RDH13: variants seen among roughly 807,000 people sequenced by gnomAD.
The protein encoded by RDH13 is retinol dehydrogenase 13.
In RDH13, 35 loss-of-function variants were observed where a neutral mutation model predicts 28.3. The ratio of observed to expected loss-of-function variants is 1.24; its 90% confidence interval spans 0.95 to 1.64. The LOEUF is 1.64. RDH13 is among the 40% of genes most tolerant of loss of function. RDH13 has a pLI of 0.00. For synonymous variants in RDH13, 229 were observed against 198.5 expected (o/e 1.15, Z -1.29); for missense variants, 514 against 446.3 (o/e 1.15, Z -1.37).
intron 3 of RDH13, among the ~76,000 whole-genome samples, chr19:55,050,394 C>T (rs1042013580): frequency 3.9e-5 from 6 of 152,102 alleles, no homozygotes; most frequent in Admixed American, 6.6e-5. Context: ...GGACTGCAGG[C>T]GTGAGCCACC....
At chr19:55,067,902 C>A (rs368584348), upstream of RDH13, among the ~76,000 whole-genome samples, 2 of 147,358 alleles carry the variant, frequency 1.4e-5, no homozygotes, top group Admixed American at 1.4e-4. Context: ...TTCTCTCCCC[C>A]TCATCTGTGT....
downstream of RDH13, among the ~76,000 whole-genome samples, chr19:55,043,446 G>A (rs1418585658): frequency 1.3e-5 from 2 of 152,046 alleles, no homozygotes; most frequent in Non-Finnish European, 1.5e-5. Context: ...CACTTTGGGA[G>A]GCCAAGACGG....
intron 1 of RDH13, among the ~76,000 whole-genome samples, chr19:55,061,754 C>T (rs1225382384): frequency 2.0e-5 from 3 of 151,018 alleles, no homozygotes; most frequent in Admixed American, 6.6e-5. Context: ...GACAGCATGA[C>T]TGCACTCCAG....
chr19:55,067,184 A>T (rs1351036965), upstream of RDH13: 1 of 152,414 alleles, frequency 6.6e-6, no homozygotes, highest in African/African-American at 2.4e-5. Context: ...CAGAGGGTGG[A>T]CAGGAGAGGA....
chr19:55,056,956 C>T (rs1156443260), intron 2 of RDH13, 148 bp from the exon 3 acceptor site: 1 of 671,770 alleles, frequency 1.5e-6, no homozygotes, highest in Non-Finnish European at 2.5e-6. Flanking sequence ...TAGAAACAAC[C>T]AAATGCCCAT....
At position 55,045,086 on chromosome 19, in the gene RDH13, G is replaced by T. The variant is rs61741475; in HGVS notation, c.984C>A (p.Pro328=). The T allele has an allele frequency of 5.6e-4, 895 of 1,604,456 alleles. 1 individual carries two copies. In the Middle Eastern group the frequency reaches 8.2e-3, roughly 15 times the overall value. Residue 328 remains proline (P), a synonymous_variant, in exon 7 of 7, where the codon CCC becomes CCA. Coordinates refer to ENST00000415061, the MANE Select transcript of RDH13 (RefSeq NM_001145971.2). Reference sequence around the variant, plus strand: ...TCTGCTCCAGAGGTTATCTGGGGAGGGGCTGCTCCCTCACAGAGGGAGCCT... The same window carrying T: ...TCTGCTCCAGAGGTTATCTGGGGAGTGGCTGCTCCCTCACAGAGGGAGCCT... ...GLEAPSVREQ[P]LPR
At chr19:55,041,405 G>T (rs567277443), downstream of RDH13, 1 of 152,436 alleles carries the variant, frequency 6.6e-6, no homozygotes, top group South Asian at 2.1e-4. Flanking sequence ...TCAGCATTCT[G>T]CAGTGCACAG....
chr19:55,046,118 C>T (rs1251945371), intron 6 of RDH13, among the ~76,000 whole-genome samples: 1 of 149,554 alleles, frequency 6.7e-6, no homozygotes, highest in Non-Finnish European at 1.5e-5. Context: ...TGGTGGTGGG[C>T]GCCTGCAATC....
chr19:55,039,841 AAAAAT>A (rs1477645267), downstream of RDH13: 4 of 152,212 alleles, frequency 2.6e-5, no homozygotes, highest in Non-Finnish European at 5.9e-5. Flanking sequence ...TCTGTCTCCA[AAAAAT>A]AAAAAATATT....
chr19:55,062,492 G>A (rs2075837244), intron 1 of RDH13, among the ~76,000 whole-genome samples: 1 of 152,132 alleles, frequency 6.6e-6, no homozygotes, highest in Non-Finnish European at 1.5e-5. Flanking sequence ...GACCAGCCTG[G>A]CCAACATGGC....
upstream of RDH13, chr19:55,063,767 C>A: frequency 6.5e-6 from 1 of 153,674 alleles, no homozygotes; most frequent in South Asian, 1.8e-4. Context: ...TTATCAGAAT[C>A]TCATCCCCAT....
In RDH13 at chr19:55,059,292, G is replaced by T. The variant is rs1284775452; in HGVS notation, c.66-17C>A. 2 of 1,534,144 alleles carry T rather than the reference G, an allele frequency of 1.3e-6. No individual in the cohort carries two copies. Among genetic ancestry groups the T allele is most frequent in the Admixed American group, 1.9e-5 (1 of 53,526 alleles). On this transcript the variant is annotated splice_polypyrimidine_tract_variant and intron_variant, in intron 1 of 6. Coordinates refer to ENST00000415061, the MANE Select transcript of RDH13 (RefSeq NM_001145971.2). ...ACATAGTCCCTGAGGGTGAGAAGCG[G>T]CACGGTCAGTCCTGTGGGCCCACTC...
At chr19:55,065,334 T>C (rs1204063729), upstream of RDH13, among the ~76,000 whole-genome samples, 1 of 151,598 alleles carries the variant, frequency 6.6e-6, no homozygotes, top group African/African-American at 2.4e-5. Flanking sequence ...TGATGAGCTG[T>C]GATTGTGCCA....
At position 55,048,313 on chromosome 19, in the gene RDH13, C is replaced by A; in HGVS notation, c.658+16G>T. 2 of 1,613,850 alleles carry A rather than the reference C, an allele frequency of 1.2e-6. No homozygotes were observed. The highest frequency in any genetic ancestry group is 1.7e-6 in the Non-Finnish European group (2 of 1,179,976). Reference sequence around the variant, plus strand: ...AGAGTAAAGCAAGAGGGAGGCCGAGCCTAGCGCCCCCGTACCTTGCAGCCG... The same window carrying A: ...AGAGTAAAGCAAGAGGGAGGCCGAGACTAGCGCCCCCGTACCTTGCAGCCG... On this transcript the variant is annotated intron_variant, in intron 5 of 6. Transcript: ENST00000415061.
intron 3 of RDH13, among the ~76,000 whole-genome samples, chr19:55,052,927 G>A (rs1319540316): frequency 6.7e-6 from 1 of 149,316 alleles, no homozygotes; most frequent in Non-Finnish European, 1.5e-5. Flanking sequence ...CTCCCAAAGT[G>A]CTGGGATTAC....
intron 3 of RDH13, among the ~76,000 whole-genome samples, chr19:55,050,237 C>A (rs2075386120): frequency 6.6e-6 from 1 of 151,960 alleles, no homozygotes; most frequent in Non-Finnish European, 1.5e-5. Context: ...CTGCCTCAGC[C>A]TCCCAAGTAG....
Position 55,049,926 on chromosome 19 carries a change from C to CGGCTCACAGGTGACCA in RDH13, c.341-1164_341-1163insTGGTCACCTGTGAGCC, listed in dbSNP as rs1367583747. On this transcript the variant is annotated intron_variant, in intron 3 of 6. Transcript: ENST00000415061. ...CTTGGCTCACAGGTGACCATCTCCT[C>CGGCTCACAGGTGACCA]TCTCCCTCTTCCCTTCCTCTTCCCT... Among the ~76,000 whole-genome samples, 215 of 120,922 alleles carry CGGCTCACAGGTGACCA rather than the reference C, an allele frequency of 1.8e-3. 1 individual carries two copies. Among genetic ancestry groups the CGGCTCACAGGTGACCA allele is most frequent in the South Asian group, 0.012 (47 of 3,922 alleles). The allele number at this position is 120,922 out of a possible 152,430, so 79.3% of individuals were successfully genotyped here.
Position 55,059,288 on chromosome 19 carries a change from A to G in RDH13, c.66-13T>C, listed in dbSNP as rs745412780. The G allele has an allele frequency of 3.0e-5, 47 of 1,552,232 alleles. No homozygotes were observed. The highest frequency in any genetic ancestry group is 3.7e-5 in the Admixed American group (2 of 54,286). On this transcript the variant is annotated splice_polypyrimidine_tract_variant and intron_variant, in intron 1 of 6. Transcript: ENST00000415061. ...GGTGACATAGTCCCTGAGGGTGAGA[A>G]GCGGCACGGTCAGTCCTGTGGGCCC...
chr19:55,056,956 C>A, intron 2 of RDH13, 148 bp from the exon 3 acceptor site: 1 of 671,768 alleles, frequency 1.5e-6, no homozygotes, highest in Non-Finnish European at 2.5e-6. Flanking sequence ...TAGAAACAAC[C>A]AAATGCCCAT....
Sources: allele counts gnomAD v4.1 joint callset (sites outside exome capture counted in the v4.1 genomes callset), GRCh38; gene constraint gnomAD v4.1.1; transcripts MANE v1.5; gene names NCBI Gene and HGNC (gene_info 2026-07-23, HGNC 2026-07-21).